Variants in MICA observed in about 807,000 individuals in gnomAD.
MICA encodes MHC class I polypeptide-related sequence A.
In MICA, 18 loss-of-function variants were observed where a neutral mutation model predicts 34.3. That is an observed-to-expected ratio of 0.52 (90% CI 0.36 to 0.78). The LOEUF is 0.78. MICA is among the 30% of genes least tolerant of loss of function. The pLI is 0.00. For synonymous variants in MICA, 135 were observed against 156.9 expected, an observed-to-expected ratio of 0.86 and a Z score of 1.04; for missense variants, 333 against 409.4, an observed-to-expected ratio of 0.81 and a Z score of 1.61.
chr6:31,410,644 C>T lies in MICA; in HGVS notation c.172C>T (p.Arg58Cys), dbSNP rs374310176. ...ACATCTGGATGGTCAGCCCTTCCTG[C>T]GCTATGACAGGCAGAAATGCAGGGC... is the stretch of plus-strand genomic sequence containing the variant. ...EVHLDGQPFL[R>C]YDRQKCRAKP... Residue 58 changes from arginine (R) to cysteine (C), a missense_variant, in exon 2 of 6, where the codon CGC becomes TGC. By Grantham distance (180) the Arg-to-Cys change is radical (BLOSUM62 -3). Coordinates refer to ENST00000449934, the MANE Select transcript of MICA (RefSeq NM_001177519.3). 205 of 1,613,374 alleles carry T rather than the reference C, an allele frequency of 1.3e-4. No homozygotes were observed. Among genetic ancestry groups the T allele is most frequent in the Middle Eastern group, 1.6e-4 (1 of 6,080 alleles).
intron 5 of MICA, among the ~76,000 whole-genome samples, chr6:31,414,473 C>T (rs1346349500): frequency 6.6e-6 from 1 of 151,992 alleles, no homozygotes; most frequent in Non-Finnish European, 1.5e-5. Context: ...GTGGCAGCCA[C>T]GTCTTTCCAT....
In MICA at chr6:31,411,447, G is replaced by C; in HGVS notation, c.613+88G>C. 3.1e-6 allele frequency: 4 copies of C among 1,308,948 alleles called. No homozygotes were observed. The highest frequency in any genetic ancestry group is 4.1e-6 in the Non-Finnish European group (4 of 969,574). The allele number at this position is 1,308,948 out of a possible 1,614,324, so 81.1% of individuals were successfully genotyped here. On this transcript the variant is annotated intron_variant, in intron 3 of 5. Coordinates refer to ENST00000449934, the MANE Select transcript of MICA (RefSeq NM_001177519.3). This position sits in a 1 kb window ranked among gnomAD's most constrained non-coding sequence, Gnocchi z 4.3. ...AGATGTGTCCAGGGAAACCCTCCCT[G>C]TGCTATGGATGAAGGCATTTCCTGT...
chr6:31,403,294 C>A (rs59440261), upstream of MICA, among the ~76,000 whole-genome samples: 4,966 of 151,756 alleles, frequency 0.033, 116 homozygotes, highest in South Asian at 0.048. The surrounding 1 kb of genome is among the most constrained non-coding windows in gnomAD (Gnocchi z 4.7). Flanking sequence ...GATGGGTGGT[C>A]GCGATGCCGG....
rs1051796 is a variant in MICA at position 31,411,996 on chromosome 6, C to T, written c.663C>T (p.Ile221=). The T allele has an allele frequency of 0.29, 469,770 of 1,607,520 alleles. 73,740 individuals carry two copies. Among genetic ancestry groups the T allele is most frequent in the African/African-American group, 0.45 (33,551 of 74,542 alleles). Residue 221 remains isoleucine (I), a synonymous_variant, in exon 4 of 6, where the codon ATC becomes ATT. Transcript: ENST00000449934. The surrounding 1 kb of genome is among the most constrained non-coding windows in gnomAD (Gnocchi z 4.3). ...VTRSEASEGN[I]TVTCRASSFY... Reference sequence around the variant, plus strand: ...GCAGCGAGGCCTCAGAGGGCAACATCACCGTGACATGCAGGGCTTCCAGCT... The same window carrying T: ...GCAGCGAGGCCTCAGAGGGCAACATTACCGTGACATGCAGGGCTTCCAGCT...
At position 31,412,280 on chromosome 6, in the gene MICA, G is replaced by A. The variant is rs766213007; in HGVS notation, c.893-45G>A. The A allele has an allele frequency of 2.5e-6, 4 of 1,606,060 alleles. No homozygotes were observed. In the African/African-American group the frequency reaches 5.4e-5, roughly 22 times the overall value. Reference sequence around the variant, plus strand: ...AGGCCAGGGTAGGGACAGCAGGGATGGCTGTGGCTCTCTGCCCAGTGTATA... The same window carrying A: ...AGGCCAGGGTAGGGACAGCAGGGATAGCTGTGGCTCTCTGCCCAGTGTATA... On this transcript the variant is annotated intron_variant, in intron 4 of 5. Coordinates refer to ENST00000449934, the MANE Select transcript of MICA (RefSeq NM_001177519.3).
In MICA at chr6:31,406,547, C is replaced by G. The variant is rs190990174; in HGVS notation, c.70+2845C>G. ...TATTGTTTCCTTTGCTGTGCAGAAGCCTTTTTACTTGATATGATCCCATTT... is the reference window on the plus strand; with the variant it reads ...TATTGTTTCCTTTGCTGTGCAGAAGGCTTTTTACTTGATATGATCCCATTT... On this transcript the variant is annotated intron_variant, in intron 1 of 5. Coordinates refer to ENST00000449934, the MANE Select transcript of MICA (RefSeq NM_001177519.3). Among the ~76,000 whole-genome samples, 149 of 151,890 alleles carry G rather than the reference C, an allele frequency of 9.8e-4. 1 individual carries two copies. Among genetic ancestry groups the G allele is most frequent in the African/African-American group, 3.5e-3 (143 of 41,338 alleles).
intron 5 of MICA, 29 bp downstream of exon 5, chr6:31,412,489 G>A: frequency 7.0e-7 from 1 of 1,420,498 alleles, no homozygotes; most frequent in East Asian, 2.4e-5. Flanking sequence ...TTCTGGAGAT[G>A]GTAAGGCCCC....
chr6:31,406,290 C>T (rs1770743675), intron 1 of MICA, among the ~76,000 whole-genome samples: 1 of 151,616 alleles, frequency 6.6e-6, no homozygotes, highest in Non-Finnish European at 1.5e-5. Flanking sequence ...TTTTGATTTG[C>T]CTTCATCTGT....
In MICA at chr6:31,412,230, G is replaced by T; in HGVS notation, c.892+5G>T. ...GCACTCACCCTGTGCCCTCTGGTGA[G>T]CCTAGGGTGACCCTGGAGAGGGTCA... On this transcript the variant is annotated splice_donor_5th_base_variant and intron_variant, in intron 4 of 5. Transcript: ENST00000449934. The T allele has an allele frequency of 6.2e-7, 1 of 1,608,002 alleles. No homozygotes were observed. Among genetic ancestry groups the T allele is most frequent in the Non-Finnish European group, 8.5e-7 (1 of 1,177,088 alleles).
chr6:31,407,010 G>T (rs1770783873), intron 1 of MICA, among the ~76,000 whole-genome samples: 1 of 151,718 alleles, frequency 6.6e-6, no homozygotes, highest in Non-Finnish European at 1.5e-5. Context: ...TGTTCATTTT[G>T]CTCAGGATAG....
At chr6:31,401,660 T>TAAAAA (rs9279197), upstream of MICA, among the ~76,000 whole-genome samples, 1 of 145,016 alleles carries the variant, frequency 6.9e-6, no homozygotes, top group Non-Finnish European at 1.5e-5. Flanking sequence ...ACTCCTCTCT[T>TAAAAA]AAAAAAAAAA....
At chr6:31,401,660 TAA>T (rs9279197), upstream of MICA, among the ~76,000 whole-genome samples, 12,285 of 145,038 alleles carry the variant, frequency 0.085, 735 homozygotes, top group Admixed American at 0.12. Context: ...ACTCCTCTCT[TAA>T]AAAAAAAAAA....
At chr6:31,402,194 A>T (rs1274749713), upstream of MICA, 1 of 151,928 alleles carries the variant, frequency 6.6e-6, no homozygotes, top group Non-Finnish European at 1.5e-5. Context: ...AGAAGAAACA[A>T]AGACATCTAT....
Position 31,410,531 on chromosome 6 carries a change from C to T in MICA, c.71-12C>T. ...CAGGAAGAAGTTTCACCTGTGATTT[C>T]CTCTTCCCCAGAGCCCCACAGTCTT... On this transcript the variant is annotated splice_polypyrimidine_tract_variant and intron_variant, in intron 1 of 5. Coordinates refer to ENST00000449934, the MANE Select transcript of MICA (RefSeq NM_001177519.3). 6.2e-7 allele frequency: 1 copy of T among 1,607,946 alleles called. No individual in the cohort carries two copies. The highest frequency in any genetic ancestry group is 1.1e-5 in the South Asian group (1 of 90,880).
At chr6:31,402,814 TG>T (rs1387701489), upstream of MICA, among the ~76,000 whole-genome samples, 1 of 151,672 alleles carries the variant, frequency 6.6e-6, no homozygotes, top group Non-Finnish European at 1.5e-5. Flanking sequence ...GAGGTACAGA[TG>T]TCCTAAGGCA....
rs188729361 is a variant in MICA, at chr6:31,414,469, G to A, written c.*30-543G>A. On this transcript the variant is annotated intron_variant, in intron 5 of 5. Transcript: ENST00000449934. ...CAGGTCAGGTGCAGATCCTGTGGCA[G>A]CCACGTCTTTCCATGCTGGGCCTGC... Among the ~76,000 whole-genome samples the A allele has an allele frequency of 3.3e-3, 500 of 152,164 alleles. 31 individuals are homozygous for A. In the South Asian group the frequency reaches 0.048, roughly 15 times the overall value.
At chr6:31,405,643 A>G (rs1770707879) in intron 1 of MICA, among the ~76,000 whole-genome samples, 1 of 151,686 alleles carries the variant, frequency 6.6e-6, no homozygotes. Flanking sequence ...CTGCTGTGCT[A>G]TCTACTAGAT....
At position 31,403,719 on chromosome 6, in the gene MICA, G is replaced by A; in HGVS notation, c.70+17G>A. 6.6e-7 allele frequency: 1 copy of A among 1,526,540 alleles called. No individual in the cohort carries two copies. The highest frequency in any genetic ancestry group is 8.8e-7 in the Non-Finnish European group (1 of 1,139,326). 94.6% of individuals were successfully genotyped at this position (1,526,540 alleles called of 1,614,324 possible). A position where few individuals can be genotyped will look rare whatever the true frequency, so the allele number is the denominator to read the frequency against. The stretch of plus-strand genomic sequence containing the variant: ...CTGCTGCTGGTGAGTGGCGTTCCTG[G>A]CGGTCCTCGGCGGAGCGGGAGCAGT... On this transcript the variant is annotated intron_variant, in intron 1 of 5. Transcript: ENST00000449934. The surrounding 1 kb of genome is among the most constrained non-coding windows in gnomAD (Gnocchi z 4.7).
upstream of MICA, among the ~76,000 whole-genome samples, chr6:31,401,710 G>A (rs3094583): frequency 6.6e-6 from 1 of 150,472 alleles, no homozygotes; most frequent in African/African-American, 2.5e-5. Context: ...CTATCAGGAA[G>A]GTTCAAACCA....
Sources: allele counts gnomAD v4.1 joint callset (sites outside exome capture counted in the v4.1 genomes callset), GRCh38; gene constraint gnomAD v4.1.1; non-coding constraint Gnocchi (gnomAD v3.1); transcripts MANE v1.5; gene names NCBI Gene and HGNC (gene_info 2026-07-23, HGNC 2026-07-21).